Variants in PRDM15 observed in about 807,000 individuals in gnomAD.
PRDM15 encodes PR domain zinc finger protein 15.
PRDM15 carries 64 observed loss-of-function variants against 128.6 expected under a neutral mutation model. That is an observed-to-expected ratio of 0.50 (90% CI 0.41 to 0.61). The LOEUF (loss-of-function observed/expected upper bound fraction) is 0.61. Among genes scored for constraint, PRDM15 ranks in the 20% least tolerant of loss-of-function variants. PRDM15 has a pLI of 0.00. For synonymous variants in PRDM15, 615 were observed against 621.8 expected, an observed-to-expected ratio of 0.99 and a Z score of 0.16; for missense variants, 1,242 against 1,569.1, an observed-to-expected ratio of 0.79 and a Z score of 3.52.
chr21:41,836,540 C>A lies in PRDM15; in HGVS notation c.1111G>T (p.Val371Phe). The change falls in exon 9 of 24, where the codon GTT becomes TTT. Residue 371 changes from valine to phenylalanine, a missense_variant. Around this residue, in one of 3 missense-constraint regions of PRDM15, gnomAD observed 612 missense variants for 717.0 expected, o/e 0.85. Transcript: ENST00000398548. ...LIKQLGEHKR[V>F]YQCNICSKIF... ...TTGCTGCAGATATTGCACTGGTAAA[C>A]CCGCTTGTGCTCCCCGAGCTGTTTG... 1.2e-6 allele frequency: 2 copies of A among 1,613,054 alleles called. No individual in the cohort carries two copies. Among genetic ancestry groups the A allele is most frequent in the Non-Finnish European group, 1.7e-6 (2 of 1,179,982 alleles).
rs2062885028 is a variant in PRDM15 at position 41,836,220 on chromosome 21, C to A, written c.1184-13G>T. 1 of 1,610,990 alleles carries A rather than the reference C, an allele frequency of 6.2e-7. No homozygotes were observed. The highest frequency in any genetic ancestry group is 1.3e-5 in the African/African-American group (1 of 74,982). ...AACAGCTTGTCACCTGAGGAACCAA[C>A]CAACAGAGAGCTCATTCACTACTTA... On this transcript the variant is annotated splice_polypyrimidine_tract_variant and intron_variant, in intron 9 of 23. Coordinates refer to ENST00000398548, the MANE Select transcript of PRDM15 (RefSeq NM_001040424.3).
intron 1 of PRDM15, among the ~76,000 whole-genome samples, chr21:41,875,413 T>C (rs1474655790): frequency 6.6e-6 from 1 of 152,152 alleles, no homozygotes; most frequent in Non-Finnish European, 1.5e-5. Flanking sequence ...CATGAAAATA[T>C]TTCCTAAAAT....
chr21:41,840,718 T>C (rs2063049719), intron 6 of PRDM15, among the ~76,000 whole-genome samples: 1 of 151,340 alleles, frequency 6.6e-6, no homozygotes, highest in African/African-American at 2.4e-5. Flanking sequence ...AATTCCTAGA[T>C]AATAACACAA....
chr21:41,848,283 T>C (rs1387128704), intron 5 of PRDM15, among the ~76,000 whole-genome samples: 2 of 152,256 alleles, frequency 1.3e-5, no homozygotes, highest in Non-Finnish European at 2.9e-5. Context: ...AGGAAAAAGA[T>C]ATAGGTTACT....
chr21:41,854,668 T>C lies in PRDM15; in HGVS notation c.436A>G (p.Arg146Gly). Residue 146 changes from arginine (R) to glycine (G), a missense_variant, in exon 5 of 24, where the codon AGA (arginine) becomes GGA (glycine). By Grantham distance (125) the Arg-to-Gly change is moderately radical (BLOSUM62 -2). This residue lies in a region of PRDM15 where 612 missense variants were observed against 717.0 expected (regional missense o/e 0.85). Transcript: ENST00000398548. This position sits in a 1 kb window ranked among gnomAD's most constrained non-coding sequence, Gnocchi z 4.6. ...AGCTCGGTACCCGGGGGGATGTCTC[T>C]GGAGGTGGTGAAGTACACGTCGCTG... ...HGSDVYFTTS[R>G]DIPPGTELRV... The C allele has an allele frequency of 6.2e-7, 1 of 1,613,778 alleles. No individual in the cohort carries two copies. The highest frequency in any genetic ancestry group is 8.5e-7 in the Non-Finnish European group (1 of 1,180,002).
chr21:41,803,025 G>C (rs2061459065), intron 22 of PRDM15, 104 bp from the exon 23 acceptor site: 2 of 856,526 alleles, frequency 2.3e-6, no homozygotes, highest in East Asian at 2.4e-5. Flanking sequence ...CAATCAGTGG[G>C]GACGCTTGTG....
chr21:41,868,687 TC>T (rs1250685176), intron 1 of PRDM15, among the ~76,000 whole-genome samples: 35 of 106,654 alleles, frequency 3.3e-4, no homozygotes, highest in South Asian at 6.2e-4. Flanking sequence ...TTTTCCTTTT[TC>T]TTTTTCTTTT....
At chr21:41,863,906 C>T (rs1208640318) in intron 1 of PRDM15, among the ~76,000 whole-genome samples, 8 of 151,452 alleles carry the variant, frequency 5.3e-5, no homozygotes, top group Non-Finnish European at 1.0e-4. Flanking sequence ...TGCAGTGGCG[C>T]GATCTCAGCT....
intron 1 of PRDM15, among the ~76,000 whole-genome samples, chr21:41,878,390 A>C (rs1314859019): frequency 6.6e-6 from 1 of 152,174 alleles, no homozygotes; most frequent in Non-Finnish European, 1.5e-5. Flanking sequence ...GGGGTTAAGA[A>C]AGGTAAATGG....
rs545564121 is a variant in PRDM15, at chr21:41,828,471, C to T, written c.1367-138G>A. The T allele has an allele frequency of 2.4e-6, 2 of 833,072 alleles. No individual in the cohort carries two copies. Among genetic ancestry groups the T allele is most frequent in the East Asian group, 2.4e-5 (1 of 41,092 alleles). 51.6% of individuals were successfully genotyped at this position (833,072 alleles called of 1,614,324 possible). A position where few individuals can be genotyped will look rare whatever the true frequency, so the allele number is the denominator to read the frequency against. Reference sequence around the variant, plus strand: ...CGGGGATGCGTGGCCAGGAAGAAAACAGCACCTGTGTGTCATACACTGTCT... The same window carrying T: ...CGGGGATGCGTGGCCAGGAAGAAAATAGCACCTGTGTGTCATACACTGTCT... On this transcript the variant is annotated intron_variant, in intron 11 of 23. Transcript: ENST00000398548. The surrounding 1 kb of genome is among the most constrained non-coding windows in gnomAD (Gnocchi z 5.7).
intron 1 of PRDM15, chr21:41,878,945 G>A (rs2064532482): frequency 1.0e-6 from 1 of 964,068 alleles, no homozygotes; most frequent in African/African-American, 1.8e-5. Context: ...GGGGCGCGAG[G>A]CAGGGGACGG....
intron 23 of PRDM15, among the ~76,000 whole-genome samples, chr21:41,802,289 C>T (rs1262224319): frequency 6.6e-6 from 1 of 152,180 alleles, no homozygotes; most frequent in African/African-American, 2.4e-5. Flanking sequence ...CAGAAGGTTC[C>T]ACTCGAGAAA....
intron 1 of PRDM15, chr21:41,874,803 AAGG>A (rs2064352703): frequency 6.6e-6 from 1 of 152,168 alleles, no homozygotes; most frequent in South Asian, 2.1e-4. Context: ...CACGATGAAC[AAGG>A]AGATCGGTCA....
intron 1 of PRDM15, among the ~76,000 whole-genome samples, chr21:41,875,698 G>A (rs917390892): frequency 2.6e-5 from 4 of 152,130 alleles, no homozygotes; most frequent in African/African-American, 7.2e-5. Flanking sequence ...TAAACCCAAC[G>A]TTATATATTC....
At position 41,839,752 on chromosome 21, in the gene PRDM15, G is replaced by GAA; in HGVS notation, c.741_742insTT (p.Pro248PhefsTer35). ...TTCTCGCTCTCGGGCACTGCAGGGG[G>GAA]TTCCCCCCGGGGTGTGTCCTGCTCC... On this transcript the variant is annotated frameshift_variant, in exon 7 of 24. Transcript: ENST00000398548. LOFTEE classifies it high-confidence loss of function. 6.2e-7 allele frequency: 1 copy of GAA among 1,614,250 alleles called. No homozygotes were observed. Among genetic ancestry groups the GAA allele is most frequent in the Non-Finnish European group, 8.5e-7 (1 of 1,180,042 alleles).
rs956113121 is a variant in PRDM15, at chr21:41,816,643, C to T, written c.2261-807G>A. 2.2e-4 allele frequency among the ~76,000 whole-genome samples: 33 copies of T among 152,322 alleles called. 1 individual carries two copies. Among genetic ancestry groups the T allele is most frequent in the Admixed American group, 6.5e-4 (10 of 15,306 alleles). ...TCAACGGTTCCCCTGTGATTCCACCCTCACCAGATGCAGGGGTGACCATCC... is the reference window on the plus strand; with the variant it reads ...TCAACGGTTCCCCTGTGATTCCACCTTCACCAGATGCAGGGGTGACCATCC... On this transcript the variant is annotated intron_variant, in intron 18 of 23. Coordinates refer to ENST00000398548, the MANE Select transcript of PRDM15 (RefSeq NM_001040424.3).
intron 21 of PRDM15, among the ~76,000 whole-genome samples, chr21:41,807,238 A>G (rs2061709237): frequency 6.6e-6 from 1 of 152,260 alleles, no homozygotes; most frequent in Non-Finnish European, 1.5e-5. Context: ...TTAATGTAAC[A>G]TTCATTCAAA....
intron 19 of PRDM15, among the ~76,000 whole-genome samples, chr21:41,815,172 G>A (rs942370761): frequency 4.6e-5 from 7 of 151,680 alleles, no homozygotes; most frequent in Non-Finnish European, 8.8e-5. Flanking sequence ...TTGGCCTTGT[G>A]TTAGAGATGG....
At chr21:41,845,771 G>A (rs2063245255) in intron 6 of PRDM15, among the ~76,000 whole-genome samples, 1 of 152,142 alleles carries the variant, frequency 6.6e-6, no homozygotes, top group Non-Finnish European at 1.5e-5. Context: ...CTGAAAATAT[G>A]AAGGAATTTC....
Sources: gnomAD v4.1 joint callset for allele counts (sites outside exome capture counted in the v4.1 genomes callset) on GRCh38, gnomAD v4.1.1 for gene constraint, gnomAD v4.1.1 regional missense constraint, Gnocchi (gnomAD v3.1) non-coding constraint, MANE v1.5 for transcripts, NCBI Gene and HGNC (gene_info 2026-07-23, HGNC 2026-07-21) for gene names.